DENND1B: variants seen among roughly 807,000 people sequenced by gnomAD.
DENND1B encodes DENN domain containing 1B, also known as DENN domain-containing protein 1B.
DENND1B carries 59 observed loss-of-function variants against 90.1 expected under a neutral mutation model. That is an observed-to-expected ratio of 0.65 (90% CI 0.53 to 0.81). The LOEUF (loss-of-function observed/expected upper bound fraction) is 0.81. DENND1B is among the 40% of genes least tolerant of loss of function. DENND1B has a pLI of 0.00. For missense variants in DENND1B, 862 were observed against 912.6 expected, an observed-to-expected ratio of 0.94 and a Z score of 0.71; for synonymous variants, 337 against 324.6, an observed-to-expected ratio of 1.04 and a Z score of -0.41.
chr1:197,696,422 T>C (rs1219960288), intron 3 of DENND1B, among the ~76,000 whole-genome samples: 2 of 151,534 alleles, frequency 1.3e-5, no homozygotes, highest in Admixed American at 1.3e-4. Context: ...TGGAAGCACA[T>C]ACTAGGTTGT....
chr1:197,718,544 A>G (rs938921411), intron 2 of DENND1B, among the ~76,000 whole-genome samples: 1 of 152,094 alleles, frequency 6.6e-6, no homozygotes, highest in African/African-American at 2.4e-5. Context: ...CTTACAGAGA[A>G]GAGGAGCATC....
At chr1:197,511,592 T>C in intron 22 of DENND1B, 136 bp downstream of exon 22, 1 of 472,634 alleles carries the variant, frequency 2.1e-6, no homozygotes, top group East Asian at 3.4e-5. Context: ...TTAAATTTTA[T>C]CATATTTTTG....
At chr1:197,600,398 ATG>A (rs1676096076) in intron 13 of DENND1B, among the ~76,000 whole-genome samples, 1 of 151,708 alleles carries the variant, frequency 6.6e-6, no homozygotes, top group Non-Finnish European at 1.5e-5. Context: ...GACAAACGGA[ATG>A]TGAGTTGAGG....
chr1:197,706,603 A>T (rs1368261410), intron 3 of DENND1B, among the ~76,000 whole-genome samples: 1 of 152,186 alleles, frequency 6.6e-6, no homozygotes, highest in African/African-American at 2.4e-5. Flanking sequence ...ATACAATTTT[A>T]AAATGGGCAA....
chr1:197,723,855 A>C (rs1401612778), intron 2 of DENND1B, among the ~76,000 whole-genome samples: 2 of 152,088 alleles, frequency 1.3e-5, no homozygotes, highest in Non-Finnish European at 1.5e-5. Context: ...TGGTTAAATA[A>C]AAGAAGACAT....
chr1:197,554,380 A>AT (rs796190571), intron 15 of DENND1B, among the ~76,000 whole-genome samples: 156 of 151,972 alleles, frequency 1.0e-3, no homozygotes, highest in African/African-American at 3.4e-3. Flanking sequence ...AATCCTGACC[A>AT]TTTTTTACCC....
At position 197,508,603 on chromosome 1, in the gene DENND1B, T is replaced by C. The variant is rs1257505097; in HGVS notation, c.*1857A>G. 2 of 151,750 alleles carry C rather than the reference T, an allele frequency of 1.3e-5. No individual in the cohort carries two copies. The highest frequency in any genetic ancestry group is 2.4e-5 in the African/African-American group (1 of 41,400). 9.4% of individuals were successfully genotyped at this position (151,750 alleles called of 1,614,324 possible). A position where few individuals can be genotyped will look rare whatever the true frequency, so the allele number is the denominator to read the frequency against. On this transcript the variant is annotated 3_prime_UTR_variant, in exon 23 of 23. Coordinates refer to ENST00000620048, the MANE Select transcript of DENND1B (RefSeq NM_001195215.2). Reference sequence around the variant, plus strand: ...AACTTGGTCATTTTCTTTAAATTATTTCAAACCCTCTTCTAGGATTTTAGC... The same window carrying C: ...AACTTGGTCATTTTCTTTAAATTATCTCAAACCCTCTTCTAGGATTTTAGC...
intron 2 of DENND1B, chr1:197,735,379 A>G: frequency 5.8e-6 from 8 of 1,378,556 alleles, no homozygotes; most frequent in Non-Finnish European, 7.5e-6. Context: ...TAAACTAAAT[A>G]AAATTTAAAA....
intron 2 of DENND1B, among the ~76,000 whole-genome samples, chr1:197,742,722 C>A (rs755844359): frequency 6.6e-6 from 1 of 151,958 alleles, no homozygotes; most frequent in African/African-American, 2.4e-5. Flanking sequence ...TTCTGAGCAG[C>A]GGAAAAAGAG....
At chr1:197,630,073 A>C (rs2125894471) in intron 10 of DENND1B, among the ~76,000 whole-genome samples, 1 of 152,274 alleles carries the variant, frequency 6.6e-6, no homozygotes, top group Non-Finnish European at 1.5e-5. Flanking sequence ...GATGTGGAAA[A>C]GAAACTCTCA....
intron 15 of DENND1B, among the ~76,000 whole-genome samples, chr1:197,576,891 A>G (rs1673731950): frequency 6.6e-6 from 1 of 152,182 alleles, no homozygotes; most frequent in African/African-American, 2.4e-5. Context: ...TATTTTGAAT[A>G]TCTATTTAAA....
At chr1:197,569,867 T>C (rs916955496) in intron 15 of DENND1B, among the ~76,000 whole-genome samples, 1 of 152,144 alleles carries the variant, frequency 6.6e-6, no homozygotes, top group Non-Finnish European at 1.5e-5. Context: ...TTAATAACTA[T>C]AATGTATAGT....
chr1:197,529,867 C>T (rs1669496078), intron 20 of DENND1B, among the ~76,000 whole-genome samples: 1 of 152,066 alleles, frequency 6.6e-6, no homozygotes, highest in Non-Finnish European at 1.5e-5. Context: ...GCACCATGAC[C>T]AGTGGCTATA....
intron 1 of DENND1B, among the ~76,000 whole-genome samples, chr1:197,773,728 A>G (rs764890108): frequency 8.5e-5 from 13 of 152,230 alleles, no homozygotes; most frequent in Non-Finnish European, 1.9e-4. Context: ...AACATTGGTT[A>G]AATTTCAAAA....
intron 4 of DENND1B, 82 bp downstream of exon 4, chr1:197,674,038 T>C: frequency 2.0e-6 from 2 of 1,003,588 alleles, no homozygotes; most frequent in Non-Finnish European, 1.5e-6. Flanking sequence ...GGACATTTTA[T>C]TTTATAAAAA....
intron 2 of DENND1B, among the ~76,000 whole-genome samples, chr1:197,752,007 GAGAAGAAGGAAGAGA>G (rs1360318029): frequency 6.7e-6 from 1 of 150,230 alleles, no homozygotes; most frequent in Non-Finnish European, 1.5e-5. Context: ...GTAGAAGGAG[GAGAAGAAGGAAGAGA>G]AGGAGGAGGA....
At chr1:197,750,903 A>C (rs1341653679) in intron 2 of DENND1B, among the ~76,000 whole-genome samples, 2 of 152,206 alleles carry the variant, frequency 1.3e-5, no homozygotes, top group Non-Finnish European at 1.5e-5. Flanking sequence ...AATAGTTGTA[A>C]ATGTGTATGC....
intron 2 of DENND1B, among the ~76,000 whole-genome samples, chr1:197,764,662 T>A (rs1462049617): frequency 6.6e-6 from 1 of 152,184 alleles, no homozygotes; most frequent in African/African-American, 2.4e-5. Flanking sequence ...TTATAAAAAC[T>A]GCTTCTTTTT....
At chr1:197,658,267 C>A in intron 6 of DENND1B, 33 bp downstream of exon 6, 1 of 1,528,968 alleles carries the variant, frequency 6.5e-7, no homozygotes, top group Non-Finnish European at 9.0e-7. Flanking sequence ...AAGTATTTTA[C>A]CACAATTTAA....
Sources: allele counts gnomAD v4.1 joint callset (sites outside exome capture counted in the v4.1 genomes callset), GRCh38; gene constraint gnomAD v4.1.1; transcripts MANE v1.5; gene names NCBI Gene and HGNC (gene_info 2026-07-23, HGNC 2026-07-21).